Variants in ATG14 observed in about 807,000 individuals in gnomAD.
ATG14 encodes beclin 1-associated autophagy-related key regulator.
ATG14 carries 35 observed loss-of-function variants against 60.4 expected under a neutral mutation model. The observed-to-expected ratio is 0.58, with a 90% CI of 0.44 to 0.77. ATG14 has a LOEUF of 0.77. Ranked by LOEUF, ATG14 falls within the 30% of genes least tolerant of loss-of-function variation. The pLI is 0.00. For missense variants in ATG14, 647 were observed against 626.3 expected (o/e 1.03, Z -0.35); for synonymous variants, 234 against 228.8 (o/e 1.02, Z -0.21).
intron 1 of ATG14, among the ~76,000 whole-genome samples, chr14:55,402,927 ATATATATATATAT>A (rs1218427567): frequency 4.5e-4 from 4 of 8,920 alleles, no homozygotes; most frequent in African/African-American, 2.0e-3. Flanking sequence ...AAAAAAAAAA[ATATATATATATAT>A]ATATATATAT....
chr14:55,383,964 G>C (rs1456460944), intron 5 of ATG14, among the ~76,000 whole-genome samples: 2 of 152,272 alleles, frequency 1.3e-5, no homozygotes, highest in East Asian at 3.9e-4. Context: ...ACCAAGTTTA[G>C]ATTCTGTCCT....
In ATG14 at chr14:55,369,419, T is replaced by C; in HGVS notation, c.*200A>G. The stretch of plus-strand genomic sequence containing the variant: ...GACCTTCGACCCCTGTTCTCTTAAT[T>C]ATCATAAGCATGTTGGTCACCATCA... On this transcript the variant is annotated 3_prime_UTR_variant, in exon 10 of 10. Transcript: ENST00000247178. 1 of 453,944 alleles carries C rather than the reference T, an allele frequency of 2.2e-6. No homozygotes were observed. The highest frequency in any genetic ancestry group is 3.8e-6 in the Non-Finnish European group (1 of 266,634). 28.1% of individuals were successfully genotyped at this position (453,944 alleles called of 1,614,324 possible).
intron 1 of ATG14, among the ~76,000 whole-genome samples, chr14:55,400,683 A>C (rs1186321836): frequency 1.3e-5 from 2 of 152,090 alleles, no homozygotes; most frequent in African/African-American, 4.8e-5. Flanking sequence ...CGGGTGGATC[A>C]CCTGAGGTCA....
intron 1 of ATG14, 67 bp from the exon 2 acceptor site, chr14:55,397,501 T>C: frequency 1.6e-6 from 2 of 1,248,856 alleles, no homozygotes; most frequent in Admixed American, 1.8e-5. Context: ...ACTATGCAAA[T>C]TCCCAAGAAC....
chr14:55,368,086 G>A lies in ATG14; in HGVS notation c.*1533C>T, dbSNP rs1255066687. The stretch of plus-strand genomic sequence containing the variant: ...GATTTCTTTTGGTAGTTGTTACATA[G>A]GATTTTTTTGCAGTTATTAAAAATA... On this transcript the variant is annotated 3_prime_UTR_variant, in exon 10 of 10. Coordinates refer to ENST00000247178, the MANE Select transcript of ATG14 (RefSeq NM_014924.5). 1 of 146,712 alleles carries A rather than the reference G, an allele frequency of 6.8e-6. No individual in the cohort carries two copies. The highest frequency in any genetic ancestry group is 2.5e-5 in the African/African-American group (1 of 40,560). The allele number at this position is 146,712 out of a possible 1,614,324, so 9.1% of individuals were successfully genotyped here.
chr14:55,397,272 G>A (rs750723864), intron 2 of ATG14, 100 bp downstream of exon 2: 7 of 1,026,874 alleles, frequency 6.8e-6, no homozygotes, highest in Non-Finnish European at 1.1e-5. Flanking sequence ...CCTAAATTCA[G>A]TAAGTTAGCA....
intron 6 of ATG14, 105 bp from the exon 7 acceptor site, chr14:55,380,795 G>A (rs1743671776): frequency 8.7e-6 from 5 of 577,594 alleles, no homozygotes; most frequent in East Asian, 3.5e-5. Context: ...GCACTGTTAC[G>A]TTTTAGTGCT....
intron 1 of ATG14, among the ~76,000 whole-genome samples, chr14:55,400,056 C>T (rs543372860): frequency 2.0e-5 from 3 of 152,298 alleles, no homozygotes; most frequent in African/African-American, 7.2e-5. Flanking sequence ...TCATGAGTCA[C>T]GTCCTCCTTC....
chr14:55,380,663 G>A lies in ATG14; in HGVS notation c.905C>T (p.Thr302Ile). ...PDMEQSNPAY[T>I]ISAALCYATQ... Reference sequence around the variant, plus strand: ...TGCATAGCACAGCGCAGCACTGATGGTGTAGGCAGGGTTACTCTGCTCCAT... The same window carrying A: ...TGCATAGCACAGCGCAGCACTGATGATGTAGGCAGGGTTACTCTGCTCCAT... Residue 302 changes from threonine (T) to isoleucine (I), a missense_variant, in exon 7 of 10, where the codon ACC (threonine) becomes ATC (isoleucine). By Grantham distance (89) the Thr-to-Ile change is moderately conservative (BLOSUM62 -1). Coordinates refer to ENST00000247178, the MANE Select transcript of ATG14 (RefSeq NM_014924.5). 6.2e-7 allele frequency: 1 copy of A among 1,610,596 alleles called. No individual in the cohort carries two copies. The highest frequency in any genetic ancestry group is 8.5e-7 in the Non-Finnish European group (1 of 1,178,410).
chr14:55,388,293 C>T (rs1034436393), intron 4 of ATG14, among the ~76,000 whole-genome samples: 1 of 152,202 alleles, frequency 6.6e-6, no homozygotes, highest in African/African-American at 2.4e-5. Flanking sequence ...GATTCTGAGT[C>T]ATACAGTGGT....
intron 3 of ATG14, among the ~76,000 whole-genome samples, chr14:55,395,641 C>A (rs539925271): frequency 6.6e-6 from 1 of 152,302 alleles, no homozygotes; most frequent in Non-Finnish European, 1.5e-5. Flanking sequence ...AATCATTAAT[C>A]CATTTGGAGT....
Position 55,369,832 on chromosome 14 carries a change from C to T in ATG14, c.1266G>A (p.Glu422=), listed in dbSNP as rs1217995328. The change falls in exon 10 of 10, where the codon GAG becomes GAA. Residue 422 remains glutamate, a synonymous_variant. Coordinates refer to ENST00000247178, the MANE Select transcript of ATG14 (RefSeq NM_014924.5). The part of the protein sequence containing the change: ...VAGESDESGD[E]RVSDEETDLG... ...GGTCGGTTTCTTCATCGCTGACGCG[C>T]TCATCTCCGCTCTCATCTGATTCTC... 6.2e-7 allele frequency: 1 copy of T among 1,614,200 alleles called. No homozygotes were observed. Among genetic ancestry groups the T allele is most frequent in the Admixed American group, 1.7e-5 (1 of 60,026 alleles).
intron 4 of ATG14, among the ~76,000 whole-genome samples, chr14:55,389,687 T>A (rs1885181762): frequency 6.6e-6 from 1 of 152,246 alleles, no homozygotes; most frequent in African/African-American, 2.4e-5. Flanking sequence ...TCTTTGAGTC[T>A]GAAGTAAATC....
chr14:55,366,401 A>C lies in ATG14; in HGVS notation c.*3218T>G, dbSNP rs546503675. ...TACACATGAGCAAAGTACTGTTAAA[A>C]GATTTATTGCAGTAATACAATAAAA... On this transcript the variant is annotated 3_prime_UTR_variant, in exon 10 of 10. Coordinates refer to ENST00000247178, the MANE Select transcript of ATG14 (RefSeq NM_014924.5). The C allele has an allele frequency of 2.0e-5, 3 of 152,686 alleles. No homozygotes were observed. Among genetic ancestry groups the C allele is most frequent in the African/African-American group, 7.2e-5 (3 of 41,470 alleles). The allele number at this position is 152,686 out of a possible 1,614,324, so 9.5% of individuals were successfully genotyped here.
chr14:55,395,065 C>A, intron 3 of ATG14: 1 of 502,340 alleles, frequency 2.0e-6, no homozygotes. Context: ...CTTTGCTCCC[C>A]TTTTCCCTTT....
rs1180584380 is a variant in ATG14, at chr14:55,411,791, G to C, written c.32C>G (p.Ala11Gly). 4 of 1,600,624 alleles carry C rather than the reference G, an allele frequency of 2.5e-6. No individual in the cohort carries two copies. Among genetic ancestry groups the C allele is most frequent in the South Asian group, 2.2e-5 (2 of 89,290 alleles). The change falls in exon 1 of 10, where the codon GCG becomes GGG. Residue 11 changes from alanine to glycine, a missense_variant. Coordinates refer to ENST00000247178, the MANE Select transcript of ATG14 (RefSeq NM_014924.5). MASPSGKGAR[A>G]LEAPGCGPRP... The stretch of plus-strand genomic sequence containing the variant: ...GGGCCCGCAGCCAGGAGCCTCCAGC[G>C]CCCGGGCTCCCTTCCCACTGGGAGA...
chr14:55,409,587 C>G (rs1885540339), intron 1 of ATG14, among the ~76,000 whole-genome samples: 1 of 151,958 alleles, frequency 6.6e-6, no homozygotes, highest in African/African-American at 2.4e-5. Context: ...GGAGGCAGCC[C>G]TGAAGATTTC....
Position 55,408,226 on chromosome 14 carries a change from G to A in ATG14, c.221+3376C>T, listed in dbSNP as rs376814294. 2.4e-4 allele frequency among the ~76,000 whole-genome samples: 36 copies of A among 152,292 alleles called. No homozygotes were observed. The South Asian group carries it at 3.1e-3, about 13-fold the overall frequency. ...CCCGCACTTGGGGAGGCTGAGGCTG[G>A]TGGATGGCTTGAGCTCCAGAGTCCA... On this transcript the variant is annotated intron_variant, in intron 1 of 9. Coordinates refer to ENST00000247178, the MANE Select transcript of ATG14 (RefSeq NM_014924.5).
At chr14:55,370,658 T>C (rs1015822312) in intron 9 of ATG14, among the ~76,000 whole-genome samples, 2 of 152,078 alleles carry the variant, frequency 1.3e-5, no homozygotes, top group African/African-American at 4.8e-5. Context: ...TTTTTTTTTA[T>C]TTAGACAGAG....
Sources: gnomAD v4.1 joint callset for allele counts (sites outside exome capture counted in the v4.1 genomes callset) on GRCh38, gnomAD v4.1.1 for gene constraint, MANE v1.5 for transcripts, NCBI Gene and HGNC (gene_info 2026-07-23, HGNC 2026-07-21) for gene names.